Variants in RAD51B observed in about 807,000 individuals in gnomAD.
RAD51B encodes the protein RAD51 paralog B, also known as DNA repair protein RAD51 homolog 2.
In RAD51B, 38 loss-of-function variants were observed where a neutral mutation model predicts 42.2. That is an observed-to-expected ratio of 0.90 (90% CI 0.70 to 1.18). The LOEUF (loss-of-function observed/expected upper bound fraction) is 1.18, where lower values mean the gene tolerates loss of function less well. Among genes scored for constraint, RAD51B ranks in the 50% most tolerant of loss-of-function variants. The pLI is 0.00. For synonymous variants in RAD51B, 154 were observed against 145.2 expected, an observed-to-expected ratio of 1.06 and a Z score of -0.43; for missense variants, 373 against 400.7, an observed-to-expected ratio of 0.93 and a Z score of 0.59.
intron 10 of RAD51B, among the ~76,000 whole-genome samples, chr14:68,630,994 C>T (rs1337380807): frequency 2.0e-5 from 3 of 152,094 alleles, no homozygotes. Flanking sequence ...TGCTGATTCT[C>T]ATGATAAGAA....
chr14:68,126,214 C>T (rs902667206), intron 7 of RAD51B, among the ~76,000 whole-genome samples: 9 of 152,098 alleles, frequency 5.9e-5, no homozygotes, highest in Non-Finnish European at 1.3e-4. Flanking sequence ...CTTTTATCAG[C>T]TTTTAAATAT....
intron 7 of RAD51B, among the ~76,000 whole-genome samples, chr14:67,918,193 CAG>C (rs141532274): frequency 1.3e-5 from 2 of 151,558 alleles, no homozygotes; most frequent in Admixed American, 6.6e-5. Flanking sequence ...AAAAGATTTT[CAG>C]AGAGAGAGAG....
chr14:68,518,618 A>G (rs985110672), intron 10 of RAD51B, among the ~76,000 whole-genome samples: 3 of 131,246 alleles, frequency 2.3e-5, no homozygotes, highest in Non-Finnish European at 3.1e-5. Flanking sequence ...CAGCCTTTTC[A>G]TCCTTCTCCA....
intron 10 of RAD51B, among the ~76,000 whole-genome samples, chr14:68,523,258 A>T (rs890088078): frequency 1.3e-5 from 2 of 152,136 alleles, no homozygotes; most frequent in African/African-American, 4.8e-5. Context: ...CTGCCCTGGG[A>T]TGGGAAGCCT....
At position 68,151,198 on chromosome 14, in the gene RAD51B, AT is replaced by A. The variant is rs536485327; in HGVS notation, c.757-140679del. On this transcript the variant is annotated intron_variant, in intron 7 of 10. Transcript: ENST00000471583. ...TGGGTATAGAATTCTAGATTGATAG[AT>A]TTTTTTCTTTTAGCTTTTTGTAGTT... 3.8e-3 allele frequency among the ~76,000 whole-genome samples: 581 copies of A among 151,022 alleles called. 15 individuals are homozygous for A. The highest frequency in any genetic ancestry group is 0.034 in the Admixed American group (515 of 15,196).
At chr14:68,312,684 T>A (rs2081986387) in intron 8 of RAD51B, among the ~76,000 whole-genome samples, 1 of 152,240 alleles carries the variant, frequency 6.6e-6, no homozygotes, top group Non-Finnish European at 1.5e-5. Flanking sequence ...TATCAAACTT[T>A]AAATGTTTCT....
chr14:68,152,509 A>G (rs2078410213), intron 7 of RAD51B, among the ~76,000 whole-genome samples: 1 of 152,220 alleles, frequency 6.6e-6, no homozygotes, highest in Admixed American at 6.5e-5. Context: ...GTGTTGGTCA[A>G]ATCATCACTC....
intron 11 of RAD51B, among the ~76,000 whole-genome samples, chr14:68,677,639 C>T (rs1034956468): frequency 1.3e-5 from 2 of 152,174 alleles, no homozygotes; most frequent in African/African-American, 2.4e-5. Flanking sequence ...GCGTGGGTGT[C>T]CTCCCCCGTA....
intron 7 of RAD51B, among the ~76,000 whole-genome samples, chr14:68,097,504 C>T (rs2077215827): frequency 6.6e-6 from 1 of 152,166 alleles, no homozygotes; most frequent in South Asian, 2.1e-4. Context: ...GTAAACTAGT[C>T]ACCCAAACCA....
intron 7 of RAD51B, among the ~76,000 whole-genome samples, chr14:68,012,889 T>G (rs953556790): frequency 6.6e-6 from 1 of 152,210 alleles, no homozygotes; most frequent in Non-Finnish European, 1.5e-5. Context: ...TTGTAAGTCT[T>G]TTAAAAATCT....
At chr14:68,543,066 G>A (rs1304050363) in intron 10 of RAD51B, among the ~76,000 whole-genome samples, 1 of 152,198 alleles carries the variant, frequency 6.6e-6, no homozygotes, top group African/African-American at 2.4e-5. Context: ...CAACCTTTCT[G>A]TAAAAGGCCA....
intron 7 of RAD51B, among the ~76,000 whole-genome samples, chr14:68,180,740 T>C (rs2079047110): frequency 6.6e-6 from 1 of 152,174 alleles, no homozygotes; most frequent in African/African-American, 2.4e-5. Context: ...ATGTATAGAA[T>C]GCACTGATTA....
intron 7 of RAD51B, among the ~76,000 whole-genome samples, chr14:68,037,942 GA>G (rs1216654098): frequency 6.6e-6 from 1 of 152,218 alleles, no homozygotes; most frequent in Non-Finnish European, 1.5e-5. Flanking sequence ...TATTCTCCTT[GA>G]AAGGGAAGGT....
rs1053806967 is a variant in RAD51B at position 68,399,358 on chromosome 14, G to A, written c.854-12066G>A. 5.4e-5 allele frequency among the ~76,000 whole-genome samples: 8 copies of A among 149,142 alleles called. No homozygotes were observed. The East Asian group carries it at 1.4e-3, about 26-fold the overall frequency. ...TGCAAACTCCTCTTCCCGGGTTCAC[G>A]CCATTCTCCTGCCTCAGCCTCCCGA... On this transcript the variant is annotated intron_variant, in intron 8 of 10. Transcript: ENST00000471583.
rs577069895 is a variant in RAD51B at position 67,938,393 on chromosome 14, G to A, written c.756+51189G>A. ...TTTTCTAACAAATAATACTTTTGAC[G>A]GAGCCATACAACTTAATTTCGATTT... On this transcript the variant is annotated intron_variant, in intron 7 of 10. Transcript: ENST00000471583. 8.2e-4 allele frequency among the ~76,000 whole-genome samples: 125 copies of A among 152,122 alleles called. 1 individual carries two copies. The highest frequency in any genetic ancestry group is 2.5e-4 in the Non-Finnish European group (17 of 68,036).
intron 4 of RAD51B, among the ~76,000 whole-genome samples, chr14:67,862,516 G>T (rs192850404): frequency 6.6e-6 from 1 of 151,988 alleles, no homozygotes; most frequent in Non-Finnish European, 1.5e-5. Context: ...ATCAATTGAC[G>T]TGAAGGAAGA....
chr14:68,018,813 C>T (rs1054124331), intron 7 of RAD51B, among the ~76,000 whole-genome samples: 3 of 152,140 alleles, frequency 2.0e-5, no homozygotes, highest in Admixed American at 1.3e-4. Flanking sequence ...CTTGTGTGTG[C>T]CATGGGGTAT....
At position 67,901,387 on chromosome 14, in the gene RAD51B, A is replaced by G. The variant is rs182369422; in HGVS notation, c.756+14183A>G. On this transcript the variant is annotated intron_variant, in intron 7 of 10. Transcript: ENST00000471583. ...TGAGCAACATCCTGGCATGAGGGTA[A>G]GTTCTTAATCATATTTCTTCTCATT... Among the ~76,000 whole-genome samples the G allele has an allele frequency of 6.6e-5, 10 of 152,238 alleles. No homozygotes were observed. The East Asian group carries it at 1.9e-3, about 29-fold the overall frequency.
intron 7 of RAD51B, among the ~76,000 whole-genome samples, chr14:68,093,268 A>G (rs1240240273): frequency 2.6e-5 from 4 of 152,230 alleles, no homozygotes; most frequent in Non-Finnish European, 5.9e-5. Flanking sequence ...TAGTTTCAGA[A>G]GGAATGGTAC....
Sources: allele counts gnomAD v4.1 joint callset (sites outside exome capture counted in the v4.1 genomes callset), GRCh38; gene constraint gnomAD v4.1.1; transcripts MANE v1.5; gene names NCBI Gene and HGNC (gene_info 2026-07-23, HGNC 2026-07-21).